POTEF: variants seen among roughly 807,000 people sequenced by gnomAD.
POTEF encodes the protein POTE ankyrin domain family member F.
Under a neutral mutation model 83.2 loss-of-function variants are expected in POTEF, and 20 were observed. That is an observed-to-expected ratio of 0.24 (90% CI 0.17 to 0.35). The LOEUF is 0.35. POTEF is among the 10% of genes least tolerant of loss of function. The pLI is 1.00. For missense variants in POTEF, 550 were observed against 1,203.2 expected, an observed-to-expected ratio of 0.46 and a Z score of 8.03; for synonymous variants, 196 against 446.4, an observed-to-expected ratio of 0.44 and a Z score of 7.07.
chr2:130,127,324 CAAAAAAAAAAA>C (rs57173649), intron 2 of POTEF, among the ~76,000 whole-genome samples: 8 of 12,442 alleles, frequency 6.4e-4, no homozygotes, highest in African/African-American at 2.0e-3. Flanking sequence ...GACTCTGTCT[CAAAAAAAAAAA>C]AAAAAAAAAA....
At chr2:130,105,406 G>A (rs574535479) in intron 8 of POTEF, among the ~76,000 whole-genome samples, 1 of 151,632 alleles carries the variant, frequency 6.6e-6, no homozygotes, top group Non-Finnish European at 1.5e-5. Flanking sequence ...CTACTCCAAG[G>A]ATGTATGACA....
At chr2:130,090,723 A>T (rs1250387633) in intron 12 of POTEF, among the ~76,000 whole-genome samples, 1 of 145,126 alleles carries the variant, frequency 6.9e-6, no homozygotes, top group Non-Finnish European at 1.5e-5. Flanking sequence ...AAAATTAAGC[A>T]AAACAAGTGA....
chr2:130,118,570 G>A (rs1287481715), intron 3 of POTEF, among the ~76,000 whole-genome samples: 6 of 149,782 alleles, frequency 4.0e-5, no homozygotes, highest in Admixed American at 1.3e-4. Flanking sequence ...GGTGGCAGGC[G>A]CCTGTAATCC....
intron 3 of POTEF, among the ~76,000 whole-genome samples, chr2:130,118,964 G>A (rs1684920911): frequency 6.6e-6 from 1 of 151,238 alleles, no homozygotes; most frequent in Admixed American, 6.6e-5. Context: ...ATTCATTGAT[G>A]TCTTTTCAGC....
chr2:130,117,209 G>A (rs1573614828), intron 3 of POTEF, among the ~76,000 whole-genome samples: 1 of 151,634 alleles, frequency 6.6e-6, no homozygotes, highest in Non-Finnish European at 1.5e-5. Flanking sequence ...CTAATGAAAA[G>A]ATAATTATGT....
At chr2:130,108,259 GA>G (rs1194388052) in intron 7 of POTEF, among the ~76,000 whole-genome samples, 180 bp from the exon 8 acceptor site, 1 of 151,138 alleles carries the variant, frequency 6.6e-6, no homozygotes. Context: ...AATTAAAGAA[GA>G]AAAAAATGTA....
At chr2:130,117,761 G>T (rs927045894) in intron 3 of POTEF, among the ~76,000 whole-genome samples, 1 of 151,906 alleles carries the variant, frequency 6.6e-6, no homozygotes, top group African/African-American at 2.4e-5. Flanking sequence ...ATTTGGTAAA[G>T]ATATTTCAGT....
intron 11 of POTEF, among the ~76,000 whole-genome samples, chr2:130,098,494 T>C (rs1187881517): frequency 2.0e-5 from 3 of 151,996 alleles, no homozygotes; most frequent in African/African-American, 4.9e-5. Context: ...GTAGCTTCCA[T>C]TTGCAACACA....
At chr2:130,119,192 C>T (rs1356039058) in intron 3 of POTEF, among the ~76,000 whole-genome samples, 15 of 147,386 alleles carry the variant, frequency 1.0e-4, no homozygotes, top group African/African-American at 3.3e-4. Context: ...GAAACGGAGT[C>T]TCGCTCTGTT....
intron 2 of POTEF, among the ~76,000 whole-genome samples, chr2:130,125,736 T>A (rs1379407826): frequency 4.6e-5 from 7 of 151,916 alleles, no homozygotes; most frequent in Non-Finnish European, 8.8e-5. Context: ...TGAAACCCCA[T>A]CTCTACTAAA....
In POTEF at chr2:130,127,695, G is replaced by A. The variant is rs1044317906; in HGVS notation, c.-94+14C>T. 9 of 152,324 alleles carry A rather than the reference G, an allele frequency of 5.9e-5. No homozygotes were observed. Among genetic ancestry groups the A allele is most frequent in the Non-Finnish European group, 1.2e-4 (8 of 68,008 alleles). 9.4% of individuals were successfully genotyped at this position (152,324 alleles called of 1,614,324 possible). Reference sequence around the variant, plus strand: ...AAGGTTCCTACCACCTTGCCCCCGCGGGCACCCTCCTACCACTCCTGTCGA... The same window carrying A: ...AAGGTTCCTACCACCTTGCCCCCGCAGGCACCCTCCTACCACTCCTGTCGA... On this transcript the variant is annotated intron_variant, in intron 2 of 16. Transcript: ENST00000409914.
At chr2:130,105,282 TG>T (rs1684491457) in intron 8 of POTEF, among the ~76,000 whole-genome samples, 1 of 150,994 alleles carries the variant, frequency 6.6e-6, no homozygotes, top group Non-Finnish European at 1.5e-5. Context: ...GCAAAACAAA[TG>T]AAAAAAGCAT....
chr2:130,118,473 G>A (rs957925661), intron 3 of POTEF, among the ~76,000 whole-genome samples: 2 of 151,820 alleles, frequency 1.3e-5, no homozygotes, highest in Non-Finnish European at 2.9e-5. Flanking sequence ...AAGGTGGGTG[G>A]ATCACGAGGG....
intron 6 of POTEF, among the ~76,000 whole-genome samples, chr2:130,111,195 T>C: frequency 6.6e-6 from 1 of 150,796 alleles, no homozygotes; most frequent in Non-Finnish European, 1.5e-5. Context: ...ACAGCCAACT[T>C]TGAAGGATAT....
At chr2:130,118,710 T>C (rs1684913445) in intron 3 of POTEF, among the ~76,000 whole-genome samples, 1 of 151,318 alleles carries the variant, frequency 6.6e-6, no homozygotes, top group Admixed American at 6.6e-5. Context: ...AAAGTATATA[T>C]ATAAATATAT....
In POTEF at chr2:130,075,039, G is replaced by A. The variant is rs757224085; in HGVS notation, c.2433C>T (p.Asn811=). Residue 811 remains asparagine (N), a synonymous_variant, in exon 17 of 17, where the codon AAC becomes AAT. Transcript: ENST00000409914. ...HPVLLTEATL[N]PKANREKMTQ... ...TCATCTTCTCGCGGTTGGCCTTAGGGTTCAGGGTGGCCTCGGTCAGCAGGA... is the reference window on the plus strand; with the variant it reads ...TCATCTTCTCGCGGTTGGCCTTAGGATTCAGGGTGGCCTCGGTCAGCAGGA... 1.9e-6 allele frequency: 3 copies of A among 1,613,648 alleles called. No individual in the cohort carries two copies. The highest frequency in any genetic ancestry group is 1.7e-5 in the Admixed American group (1 of 59,944).
At chr2:130,123,607 CTCA>C (rs1352854007) in intron 2 of POTEF, among the ~76,000 whole-genome samples, 1 of 151,614 alleles carries the variant, frequency 6.6e-6, no homozygotes, top group Non-Finnish European at 1.5e-5. Flanking sequence ...TACTAAATAT[CTCA>C]TAATTATATT....
chr2:130,128,769 C>T, intron 1 of POTEF, among the ~76,000 whole-genome samples: 1 of 137,616 alleles, frequency 7.3e-6, no homozygotes, highest in Non-Finnish European at 1.5e-5. Flanking sequence ...CTCCAAATAA[C>T]CACCAAAACC....
Position 130,120,435 on chromosome 2 carries a change from C to G in POTEF, c.81G>C (p.Trp27Cys). The change falls in exon 3 of 17, where the codon TGG becomes TGC. Residue 27 changes from tryptophan (W) to cysteine (C), a missense_variant. Trp to Cys is a radical substitution (Grantham distance 215). Transcript: ENST00000409914. ...TGCAGCAGGGGAAGCAACGGCAGCA[C>G]CACTTGCCCATCTTGCTCCTGAGAC... ...PFGLRSKMGK[W>C]CCRCFPCCRE... 1.2e-6 allele frequency: 2 copies of G among 1,613,666 alleles called. No individual in the cohort carries two copies. The highest frequency in any genetic ancestry group is 1.1e-5 in the South Asian group (1 of 91,064).
Sources: gnomAD v4.1 joint callset for allele counts (sites outside exome capture counted in the v4.1 genomes callset) on GRCh38, gnomAD v4.1.1 for gene constraint, MANE v1.5 for transcripts, NCBI Gene and HGNC (gene_info 2026-07-23, HGNC 2026-07-21) for gene names.